Variants in LIMS1 observed in about 807,000 individuals in gnomAD.
The protein encoded by LIMS1 is LIM zinc finger domain containing 1, also known as LIM and senescent cell antigen-like-containing domain protein 1.
LIMS1 carries 18 observed loss-of-function variants against 44.1 expected under a neutral mutation model. The ratio of observed to expected loss-of-function variants is 0.41; its 90% CI spans 0.28 to 0.61. The LOEUF (loss-of-function observed/expected upper bound fraction) is 0.61. Ranked by LOEUF, LIMS1 falls within the 20% of genes least tolerant of loss-of-function variation. The pLI is 0.32. For synonymous variants in LIMS1, 93 were observed against 149.1 expected, an observed-to-expected ratio of 0.62 and a Z score of 2.74; for missense variants, 201 against 422.0, an observed-to-expected ratio of 0.48 and a Z score of 4.59.
At chr2:108,552,140 CTA>C (rs891294771) in intron 1 of LIMS1, among the ~76,000 whole-genome samples, 13 of 143,878 alleles carry the variant, frequency 9.0e-5, no homozygotes, top group East Asian at 6.0e-4. Flanking sequence ...ATATACTTAA[CTA>C]TATAATTATA....
chr2:108,617,077 T>C (rs1349120492), intron 1 of LIMS1, among the ~76,000 whole-genome samples: 1 of 152,196 alleles, frequency 6.6e-6, no homozygotes, highest in Non-Finnish European at 1.5e-5. Context: ...GTACAGCTGC[T>C]CAACCAGTTT....
intron 1 of LIMS1, among the ~76,000 whole-genome samples, chr2:108,550,503 AAAT>A (rs1288723089): frequency 1.3e-5 from 2 of 149,314 alleles, no homozygotes; most frequent in African/African-American, 5.0e-5. Context: ...CATCTCAAAA[AAAT>A]AATAATAAAA....
intron 1 of LIMS1, among the ~76,000 whole-genome samples, chr2:108,635,917 C>T (rs952988636): frequency 6.6e-6 from 1 of 152,170 alleles, no homozygotes; most frequent in African/African-American, 2.4e-5. Flanking sequence ...GGTCTAAGTA[C>T]CATCAGCTGC....
chr2:108,631,894 C>G (rs1473468062), intron 1 of LIMS1, among the ~76,000 whole-genome samples: 1 of 152,196 alleles, frequency 6.6e-6, no homozygotes, highest in African/African-American at 2.4e-5. Flanking sequence ...ATTTGTCTTT[C>G]TCCTTCTTTA....
chr2:108,682,900 T>C (rs1377030790), intron 9 of LIMS1, among the ~76,000 whole-genome samples: 1 of 152,228 alleles, frequency 6.6e-6, no homozygotes, highest in Non-Finnish European at 1.5e-5. Flanking sequence ...AAGTTGTATA[T>C]TTACTCAATT....
intron 1 of LIMS1, among the ~76,000 whole-genome samples, chr2:108,605,184 C>G (rs1361006652): frequency 6.6e-6 from 1 of 152,054 alleles, no homozygotes; most frequent in South Asian, 2.1e-4. Flanking sequence ...CTCATGACAC[C>G]CATTGTTTAG....
At chr2:108,681,586 G>T (rs886070674) in intron 9 of LIMS1, 2 of 965,538 alleles carry the variant, frequency 2.1e-6, no homozygotes, top group African/African-American at 3.5e-5. Context: ...AGTGTTGTTT[G>T]ATATTTTTAA....
At position 108,539,944 on chromosome 2, in the gene LIMS1, T is replaced by C. The variant is rs528486189; in HGVS notation, c.32+5350T>C. Among the ~76,000 whole-genome samples the C allele has an allele frequency of 8.3e-4, 127 of 152,304 alleles. No homozygotes were observed. The Middle Eastern group carries it at 0.017, about 20-fold the overall frequency. On this transcript the variant is annotated intron_variant, in intron 1 of 9. Coordinates refer to ENST00000544547, the Ensembl canonical transcript of LIMS1. ...TTTTCTCTTGAATCCATCGTTTTCT[T>C]TTTTCACTCCTTTCTTACTGATTTC... is the stretch of plus-strand genomic sequence containing the variant.
chr2:108,664,678 C>T (rs1052862183), intron 2 of LIMS1, among the ~76,000 whole-genome samples: 5 of 152,120 alleles, frequency 3.3e-5, no homozygotes, highest in Non-Finnish European at 7.4e-5. Context: ...TCTGGCCTTT[C>T]TCTCAGGCTC....
intron 1 of LIMS1, among the ~76,000 whole-genome samples, chr2:108,550,732 C>T (rs1365914581): frequency 1.3e-5 from 2 of 151,294 alleles, no homozygotes. Flanking sequence ...AGGGGAATGG[C>T]GTGAACCTGG....
intron 1 of LIMS1, among the ~76,000 whole-genome samples, chr2:108,650,302 G>GA (rs1208976174): frequency 1.3e-5 from 2 of 151,906 alleles, no homozygotes; most frequent in African/African-American, 4.8e-5. Flanking sequence ...TTGTCCTCTT[G>GA]AAAAAATAAC....
At chr2:108,584,716 G>C (rs1686024582) in intron 1 of LIMS1, among the ~76,000 whole-genome samples, 1 of 152,116 alleles carries the variant, frequency 6.6e-6, no homozygotes, top group South Asian at 2.1e-4. Context: ...GTGAGCATTA[G>C]CGAAGGGAAG....
At chr2:108,589,015 T>A (rs1417383698) in intron 1 of LIMS1, among the ~76,000 whole-genome samples, 3 of 152,190 alleles carry the variant, frequency 2.0e-5, no homozygotes. Flanking sequence ...TTTTGGCATT[T>A]TATTACATTA....
In LIMS1 at chr2:108,674,450, C is replaced by CAGTG. The variant is rs372338159; in HGVS notation, c.530+1422_531-1424dup. ...CTAAGAAAACAGTTTGGGCCAGGTG[C>CAGTG]AGTGGCACACGCCTGTAATCCCAGC... On this transcript the variant is annotated intron_variant, in intron 5 of 9. Transcript: ENST00000544547. 3.6e-3 allele frequency among the ~76,000 whole-genome samples: 545 copies of CAGTG among 150,488 alleles called. 3 individuals carry two copies. The highest frequency in any genetic ancestry group is 0.011 in the African/African-American group (451 of 40,970).
chr2:108,621,187 C>A, intron 1 of LIMS1: 1 of 1,275,204 alleles, frequency 7.8e-7, no homozygotes, highest in Non-Finnish European at 1.1e-6. Flanking sequence ...GGGTGTGTAC[C>A]AGTGAGAAAC....
chr2:108,660,097 T>A (rs560258961), intron 2 of LIMS1: 17 of 445,606 alleles, frequency 3.8e-5, no homozygotes, highest in Admixed American at 3.3e-4. Flanking sequence ...TCAGCCACAC[T>A]CAGGCCCCCC....
intron 1 of LIMS1, among the ~76,000 whole-genome samples, chr2:108,553,961 C>T (rs1442528823): frequency 6.6e-6 from 1 of 152,046 alleles, no homozygotes; most frequent in Non-Finnish European, 1.5e-5. Flanking sequence ...CATGATTATC[C>T]TCATTCTCTT....
chr2:108,569,764 C>CCTTTTTTTTTTTTTTTTTTTTTTTTTTTT (rs753691810), intron 1 of LIMS1, among the ~76,000 whole-genome samples: 12 of 113,126 alleles, frequency 1.1e-4, no homozygotes, highest in African/African-American at 3.1e-4. Context: ...CCATATCTGG[C>CCTTTTTTTTTTTTTTTTTTTTTTTTTTTT]TTTTTTTTTT....
chr2:108,609,291 C>T (rs1417314818), intron 1 of LIMS1, among the ~76,000 whole-genome samples: 3 of 152,130 alleles, frequency 2.0e-5, no homozygotes, highest in African/African-American at 7.2e-5. Context: ...CTGGAGTCTT[C>T]TCTTCCCTCC....
Sources: allele counts gnomAD v4.1 joint callset (sites outside exome capture counted in the v4.1 genomes callset), GRCh38; gene constraint gnomAD v4.1.1; transcripts MANE v1.5; gene names NCBI Gene and HGNC (gene_info 2026-07-23, HGNC 2026-07-21).